The following CIBAR1 variants were observed in gnomAD, a reference collection of about 807,000 sequenced individuals.
CIBAR1 encodes the protein CBY1-interacting BAR domain-containing protein 1.
A neutral mutation model predicts 44.0 loss-of-function variants in CIBAR1; 25 were observed. The observed-to-expected ratio is 0.57, with a 90% CI of 0.41 to 0.79. CIBAR1 has a LOEUF of 0.79. Ranked by LOEUF, CIBAR1 falls within the 30% of genes least tolerant of loss-of-function variation. The pLI is 0.00. For synonymous variants in CIBAR1, 115 were observed against 119.0 expected (o/e 0.97, Z 0.22); for missense variants, 278 against 344.8 (o/e 0.81, Z 1.53).
At chr8:93,727,601 C>G (rs1464022563) in intron 8 of CIBAR1, among the ~76,000 whole-genome samples, 1 of 152,206 alleles carries the variant, frequency 6.6e-6, no homozygotes, top group Non-Finnish European at 1.5e-5. Flanking sequence ...CATCCCCCGC[C>G]TCTACCTACA....
rs1324357166 is a variant in CIBAR1, at chr8:93,731,209, T to C, written c.*2912T>C. ...TATGTTTACTCTAGCTGGCCTCTTATCTACCACCACCATCCCACCTCAGCC... is the reference window on the plus strand; with the variant it reads ...TATGTTTACTCTAGCTGGCCTCTTACCTACCACCACCATCCCACCTCAGCC... On this transcript the variant is annotated 3_prime_UTR_variant, in exon 9 of 9. Transcript: ENST00000518322. The C allele has an allele frequency of 1.3e-5, 2 of 152,208 alleles. No individual in the cohort carries two copies. Among genetic ancestry groups the C allele is most frequent in the Admixed American group, 6.5e-5 (1 of 15,282 alleles). The allele number at this position is 152,208 out of a possible 1,614,324, so 9.4% of individuals were successfully genotyped here.
chr8:93,726,614 T>C (rs764705170), intron 8 of CIBAR1, 101 bp downstream of exon 8: 293 of 1,379,906 alleles, frequency 2.1e-4, no homozygotes, highest in Non-Finnish European at 2.8e-4. Context: ...CGGTAACTTA[T>C]CCTCCCCTGG....
At chr8:93,726,245 G>T (rs1316775241) in intron 7 of CIBAR1, 149 bp from the exon 8 acceptor site, 2 of 646,968 alleles carry the variant, frequency 3.1e-6, no homozygotes, top group Non-Finnish European at 5.0e-6. Flanking sequence ...TATTTTTGTT[G>T]TCTTTTCTTT....
chr8:93,704,348 A>G (rs1264040829), intron 3 of CIBAR1, among the ~76,000 whole-genome samples: 2 of 152,244 alleles, frequency 1.3e-5, no homozygotes, highest in African/African-American at 2.4e-5. Flanking sequence ...GATAATTTAC[A>G]TCAGCAGTCC....
At chr8:93,714,364 C>T (rs1456537975) in intron 6 of CIBAR1, among the ~76,000 whole-genome samples, 2 of 152,206 alleles carry the variant, frequency 1.3e-5, no homozygotes, top group Admixed American at 6.5e-5. Context: ...TTAGTGGATT[C>T]GTTACAATTT....
intron 6 of CIBAR1, among the ~76,000 whole-genome samples, chr8:93,713,051 G>C (rs575207052): frequency 2.5e-5 from 1 of 40,568 alleles, no homozygotes; most frequent in Non-Finnish European, 4.9e-5. Flanking sequence ...TTTTTTTTTC[G>C]AGACAGATTC....
At position 93,731,257 on chromosome 8, in the gene CIBAR1, G is replaced by C. The variant is rs911158214; in HGVS notation, c.*2960G>C. ...GCCCAGTTTGAAATGCAATTCCACA[G>C]TAAGTAATCCCTCACGTTAAGCTTC... On this transcript the variant is annotated 3_prime_UTR_variant, in exon 9 of 9. Coordinates refer to ENST00000518322, the MANE Select transcript of CIBAR1 (RefSeq NM_145269.5). 1 of 152,204 alleles carries C rather than the reference G, an allele frequency of 6.6e-6. No individual in the cohort carries two copies. Among genetic ancestry groups the C allele is most frequent in the Non-Finnish European group, 1.5e-5 (1 of 68,034 alleles). The allele number at this position is 152,204 out of a possible 1,614,324, so 9.4% of individuals were successfully genotyped here. A position where few individuals can be genotyped will look rare whatever the true frequency, so the allele number is the denominator to read the frequency against.
At chr8:93,717,554 G>A (rs1001470574) in intron 6 of CIBAR1, among the ~76,000 whole-genome samples, 1 of 152,056 alleles carries the variant, frequency 6.6e-6, no homozygotes, top group Non-Finnish European at 1.5e-5. Context: ...GCCTCTTAAT[G>A]CTCCCTTAAG....
chr8:93,710,670 C>T (rs1011406619), intron 6 of CIBAR1, among the ~76,000 whole-genome samples: 2 of 151,744 alleles, frequency 1.3e-5, no homozygotes, highest in African/African-American at 4.8e-5. Flanking sequence ...TCCATCTCTA[C>T]TAAAAATACA....
At chr8:93,723,146 G>A (rs762760476) in intron 7 of CIBAR1, among the ~76,000 whole-genome samples, 6 of 152,240 alleles carry the variant, frequency 3.9e-5, no homozygotes, top group East Asian at 1.9e-4. Flanking sequence ...ACAGGCACCC[G>A]CCACCTCGCC....
chr8:93,704,631 A>G (rs1012429032), intron 3 of CIBAR1, among the ~76,000 whole-genome samples: 21 of 152,218 alleles, frequency 1.4e-4, no homozygotes, highest in Admixed American at 1.3e-3. Context: ...CCATGTAACC[A>G]CTACCGCAAT....
chr8:93,715,719 G>A (rs1811013633), intron 6 of CIBAR1: 1 of 152,124 alleles, frequency 6.6e-6, no homozygotes, highest in African/African-American at 2.4e-5. Context: ...ATATATTTAT[G>A]CCAAGAAACA....
At chr8:93,727,062 A>G (rs764815922) in intron 8 of CIBAR1, 10 of 552,806 alleles carry the variant, frequency 1.8e-5, no homozygotes, top group Non-Finnish European at 3.2e-5. Flanking sequence ...ACAACTATAA[A>G]TAACAACTGT....
At chr8:93,701,019 C>G (rs1264824885) in intron 1 of CIBAR1, 1 of 1,428,918 alleles carries the variant, frequency 7.0e-7, no homozygotes, top group South Asian at 1.6e-5. Flanking sequence ...CCCACCCGGC[C>G]TGGGCCTTTT....
chr8:93,725,281 C>T (rs1242832471), intron 7 of CIBAR1, among the ~76,000 whole-genome samples: 1 of 152,180 alleles, frequency 6.6e-6, no homozygotes, highest in Non-Finnish European at 1.5e-5. Flanking sequence ...CTGTGTGCAG[C>T]AGCATTGTTT....
chr8:93,704,845 C>A, intron 3 of CIBAR1, 64 bp from the exon 4 acceptor site: 1 of 911,592 alleles, frequency 1.1e-6, no homozygotes, highest in Non-Finnish European at 1.7e-6. Flanking sequence ...AGAATTCTTC[C>A]ATTCTTAAAA....
intron 7 of CIBAR1, chr8:93,726,032 A>G (rs192063380): frequency 4.8e-4 from 89 of 185,584 alleles, no homozygotes; most frequent in South Asian, 7.9e-4. Context: ...TAAATTGGTA[A>G]GAGTTGAGAA....
intron 5 of CIBAR1, among the ~76,000 whole-genome samples, 151 bp downstream of exon 5, chr8:93,708,167 C>G (rs907712490): frequency 6.6e-6 from 1 of 151,956 alleles, no homozygotes; most frequent in South Asian, 2.1e-4. Flanking sequence ...CAAACTTTTT[C>G]TATGATTAAT....
At position 93,731,108 on chromosome 8, in the gene CIBAR1, C is replaced by T. The variant is rs576245019; in HGVS notation, c.*2811C>T. 9 of 152,280 alleles carry T rather than the reference C, an allele frequency of 5.9e-5. No individual in the cohort carries two copies. Among genetic ancestry groups the T allele is most frequent in the African/African-American group, 2.2e-4 (9 of 41,538 alleles). 9.4% of individuals were successfully genotyped at this position (152,280 alleles called of 1,614,324 possible). A position where few individuals can be genotyped will look rare whatever the true frequency, so the allele number is the denominator to read the frequency against. ...CCAGGAGTTAGAAGCTGCAGTGAAC[C>T]ATTATCAGACCACTGCACTCCAGCC... On this transcript the variant is annotated 3_prime_UTR_variant, in exon 9 of 9. Coordinates refer to ENST00000518322, the MANE Select transcript of CIBAR1 (RefSeq NM_145269.5).
Sources: allele counts gnomAD v4.1 joint callset (sites outside exome capture counted in the v4.1 genomes callset), GRCh38; gene constraint gnomAD v4.1.1; transcripts MANE v1.5; gene names NCBI Gene and HGNC (gene_info 2026-07-23, HGNC 2026-07-21).